The following BMP6 variants were observed in gnomAD, a reference collection of about 807,000 sequenced individuals.
The protein encoded by BMP6 is bone morphogenetic protein 6.
BMP6 carries 17 observed loss-of-function variants against 54.1 expected under a neutral mutation model. That is an observed-to-expected ratio of 0.31 (90% CI 0.22 to 0.47). BMP6 has a LOEUF of 0.47. BMP6 is among the 20% of genes least tolerant of loss of function. The pLI, the probability that BMP6 is intolerant of heterozygous loss-of-function variation, is 1.00. For missense variants in BMP6, 720 were observed against 690.4 expected (o/e 1.04, Z -0.48); for synonymous variants, 328 against 291.2 (o/e 1.13, Z -1.28).
At chr6:7,875,207 A>G (rs1759593954) in intron 4 of BMP6, among the ~76,000 whole-genome samples, 1 of 152,150 alleles carries the variant, frequency 6.6e-6, no homozygotes, top group Admixed American at 6.5e-5. Context: ...AGAGAAGACA[A>G]TGACCCAGCT....
intron 2 of BMP6, among the ~76,000 whole-genome samples, chr6:7,856,777 T>C (rs1001537716): frequency 3.3e-5 from 5 of 150,536 alleles, no homozygotes; most frequent in African/African-American, 1.2e-4. Context: ...TTTGTATTTT[T>C]AGTAGAGATG....
intron 2 of BMP6, among the ~76,000 whole-genome samples, chr6:7,850,800 A>C (rs928265142): frequency 6.6e-6 from 1 of 152,216 alleles, no homozygotes; most frequent in Non-Finnish European, 1.5e-5. Context: ...TTGAGACCAC[A>C]GGGCGAACCA....
In BMP6 at chr6:7,880,086, G is replaced by A. The variant is rs768520334; in HGVS notation, c.1377G>A (p.Ala459=). Reference sequence around the variant, plus strand: ...CACACATGAATGCAACCAACCACGCGATTGTGCAGACCTTGGTGAGCTCTC... The same window carrying A: ...CACACATGAATGCAACCAACCACGCAATTGTGCAGACCTTGGTGAGCTCTC... ...LNAHMNATNH[A]IVQTLVHLMN... Residue 459 remains alanine (A), a synonymous_variant, in exon 6 of 7, where the codon GCG becomes GCA. Coordinates refer to ENST00000283147, the MANE Select transcript of BMP6 (RefSeq NM_001718.6). 9 of 1,614,132 alleles carry A rather than the reference G, an allele frequency of 5.6e-6. No individual in the cohort carries two copies. In the East Asian group the frequency reaches 1.3e-4, roughly 24 times the overall value.
At chr6:7,874,873 C>T (rs144910285) in intron 4 of BMP6, among the ~76,000 whole-genome samples, 23 of 152,112 alleles carry the variant, frequency 1.5e-4, no homozygotes, top group East Asian at 3.9e-4. Flanking sequence ...TTAGCTAGTC[C>T]GGGTTTTTAC....
intron 1 of BMP6, among the ~76,000 whole-genome samples, chr6:7,781,898 C>T (rs558140894): frequency 6.6e-6 from 1 of 151,468 alleles, no homozygotes; most frequent in East Asian, 1.9e-4. Flanking sequence ...TCAGGGTCTC[C>T]ACCTTCTTTC....
chr6:7,734,901 G>A lies in BMP6; in HGVS notation c.664+7282G>A, dbSNP rs79609630. On this transcript the variant is annotated intron_variant, in intron 1 of 6. Coordinates refer to ENST00000283147, the MANE Select transcript of BMP6 (RefSeq NM_001718.6). ...TTGCAGGATGAGGTTCTGGTTCCAA[G>A]TGGGAGAGCCTTCCTGACTTTCAGA... Among the ~76,000 whole-genome samples, 947 of 152,378 alleles carry A rather than the reference G, an allele frequency of 6.2e-3. 14 individuals carry two copies. Among genetic ancestry groups the A allele is most frequent in the African/African-American group, 0.021 (893 of 41,592 alleles).
At chr6:7,753,769 C>G (rs1021149269) in intron 1 of BMP6, among the ~76,000 whole-genome samples, 2 of 152,192 alleles carry the variant, frequency 1.3e-5, no homozygotes, top group Non-Finnish European at 2.9e-5. Flanking sequence ...CGTCTAACAT[C>G]AATTTTTTTT....
chr6:7,824,516 G>A (rs1561783577), intron 1 of BMP6, among the ~76,000 whole-genome samples: 1 of 152,138 alleles, frequency 6.6e-6, no homozygotes, highest in Non-Finnish European at 1.5e-5. Flanking sequence ...AAAGGGGAGG[G>A]GAAGCCCTAA....
rs66907363 is a variant in BMP6, at chr6:7,843,443, CTTTT to C, written c.665-1686_665-1683del. Among the ~76,000 whole-genome samples the C allele has an allele frequency of 2.2e-5, 3 of 135,974 alleles. No individual in the cohort carries two copies. In the East Asian group the frequency reaches 6.4e-4, roughly 29 times the overall value. 89.2% of individuals were successfully genotyped at this position (135,974 alleles called of 152,430 possible). On this transcript the variant is annotated intron_variant, in intron 1 of 6. Transcript: ENST00000283147. ...CTCTTTTTTTTCTTTTCTTTTCTTT[CTTTT>C]TTTTTTTTTTAAGAAGCTAAATCTC...
rs925172494 is a variant in BMP6, at chr6:7,810,102, T to C, written c.665-35038T>C. On this transcript the variant is annotated intron_variant, in intron 1 of 6. Transcript: ENST00000283147. ...AGTTGGATCTTATTTTCTTGGTTAA[T>C]TGTATGTATTGATGGGGAAAATTTT... 1.4e-4 allele frequency among the ~76,000 whole-genome samples: 22 copies of C among 152,240 alleles called. 2 individuals are homozygous for C. Among genetic ancestry groups the C allele is most frequent in the Non-Finnish European group, 2.9e-5 (2 of 68,030 alleles).
intron 1 of BMP6, among the ~76,000 whole-genome samples, chr6:7,830,153 TC>T: frequency 6.6e-6 from 1 of 151,948 alleles, no homozygotes; most frequent in Non-Finnish European, 1.5e-5. Flanking sequence ...GCACCCCCCC[TC>T]TCTCTCATGT....
intron 2 of BMP6, among the ~76,000 whole-genome samples, chr6:7,854,244 T>C (rs1234185512): frequency 6.6e-6 from 1 of 152,230 alleles, no homozygotes; most frequent in Non-Finnish European, 1.5e-5. Flanking sequence ...CATACTATGT[T>C]GTCCAGCTTT....
intron 1 of BMP6, among the ~76,000 whole-genome samples, chr6:7,821,068 G>T (rs1461802575): frequency 6.6e-6 from 1 of 152,250 alleles, no homozygotes; most frequent in African/African-American, 2.4e-5. Context: ...GCAGCCCTGG[G>T]GTTGGGGACC....
chr6:7,805,158 A>G (rs1758329934), intron 1 of BMP6, among the ~76,000 whole-genome samples: 1 of 152,246 alleles, frequency 6.6e-6, no homozygotes, highest in Non-Finnish European at 1.5e-5. Flanking sequence ...TAGATCCAGT[A>G]GACAGTGACG....
chr6:7,809,341 C>A (rs1033043361), intron 1 of BMP6, among the ~76,000 whole-genome samples: 1 of 152,102 alleles, frequency 6.6e-6, no homozygotes, highest in African/African-American at 2.4e-5. Flanking sequence ...TTAATGGTGT[C>A]CAAACCTTAT....
At chr6:7,830,959 G>A (rs562091412) in intron 1 of BMP6, among the ~76,000 whole-genome samples, 2 of 152,274 alleles carry the variant, frequency 1.3e-5, no homozygotes, top group East Asian at 3.9e-4. Flanking sequence ...AGAGGTATAT[G>A]CCCCAAAGAA....
intron 4 of BMP6, among the ~76,000 whole-genome samples, chr6:7,868,353 C>G (rs953831804): frequency 6.6e-6 from 1 of 152,142 alleles, no homozygotes; most frequent in African/African-American, 2.4e-5. Context: ...ATTATTGACA[C>G]CAGAAATCAA....
intron 4 of BMP6, among the ~76,000 whole-genome samples, chr6:7,863,992 A>G (rs1286901957): frequency 6.7e-6 from 1 of 148,998 alleles, no homozygotes; most frequent in African/African-American, 2.5e-5. Context: ...TGCCTGAGTG[A>G]CAGAGCGAGA....
chr6:7,819,456 C>A (rs1169463226), intron 1 of BMP6, among the ~76,000 whole-genome samples: 1 of 151,664 alleles, frequency 6.6e-6, no homozygotes, highest in Non-Finnish European at 1.5e-5. Context: ...TTTTTTTTTA[C>A]TATCAGATCC....
Sources: gnomAD v4.1 joint callset for allele counts (sites outside exome capture counted in the v4.1 genomes callset) on GRCh38, gnomAD v4.1.1 for gene constraint, MANE v1.5 for transcripts, NCBI Gene and HGNC (gene_info 2026-07-23, HGNC 2026-07-21) for gene names.